MAP2K5: variants seen among roughly 807,000 people sequenced by gnomAD.
The protein encoded by MAP2K5 is mitogen-activated protein kinase kinase 5, also known as dual specificity mitogen-activated protein kinase kinase 5.
In MAP2K5, 49 loss-of-function variants were observed where a neutral mutation model predicts 83.1. That is an observed-to-expected ratio of 0.59 (90% CI 0.47 to 0.75). The LOEUF (loss-of-function observed/expected upper bound fraction) is 0.75. Among genes scored for constraint, MAP2K5 ranks in the 30% least tolerant of loss-of-function variants. MAP2K5 has a pLI of 0.00. For missense variants in MAP2K5, 457 were observed against 557.5 expected (o/e 0.82, Z 1.82); for synonymous variants, 202 against 191.8 (o/e 1.05, Z -0.44).
intron 16 of MAP2K5, among the ~76,000 whole-genome samples, chr15:67,704,716 C>G (rs1406611535): frequency 6.6e-6 from 1 of 152,118 alleles, no homozygotes; most frequent in Non-Finnish European, 1.5e-5. Context: ...CTGAGTCTCC[C>G]AACAGAATCC....
Position 67,668,899 on chromosome 15 carries a change from C to A in MAP2K5, c.847+4254C>A, listed in dbSNP as rs1001271970. Among the ~76,000 whole-genome samples the A allele has an allele frequency of 2.6e-5, 4 of 151,650 alleles. No individual in the cohort carries two copies. The highest frequency in any genetic ancestry group is 9.7e-5 in the African/African-American group (4 of 41,294). On this transcript the variant is annotated intron_variant, in intron 13 of 21. Coordinates refer to ENST00000178640, the MANE Select transcript of MAP2K5 (RefSeq NM_145160.3). This position sits in a 1 kb window ranked among gnomAD's most constrained non-coding sequence, Gnocchi z 4.0. ...CCTGGTTAGTTTCATTTACTTTCTC[C>A]AATAGGAGAACTTTTTAAAAATACG... is the stretch of plus-strand genomic sequence containing the variant.
chr15:67,757,582 G>A lies in MAP2K5; in HGVS notation c.1134+8981G>A, dbSNP rs1047536114. Reference sequence around the variant, plus strand: ...TAAACCTGTGTTAATCCCAGAGCTCGGTACCGGGGATAGAGAATGAATAAG... The same window carrying A: ...TAAACCTGTGTTAATCCCAGAGCTCAGTACCGGGGATAGAGAATGAATAAG... On this transcript the variant is annotated intron_variant, in intron 19 of 21. Transcript: ENST00000178640. This position sits in a 1 kb window ranked among gnomAD's most constrained non-coding sequence, Gnocchi z 4.9. Among the ~76,000 whole-genome samples the A allele has an allele frequency of 2.0e-5, 3 of 152,066 alleles. No homozygotes were observed. Among genetic ancestry groups the A allele is most frequent in the Non-Finnish European group, 2.9e-5 (2 of 68,016 alleles).
chr15:67,654,349 CT>C (rs2087019630), intron 11 of MAP2K5, among the ~76,000 whole-genome samples: 1 of 152,176 alleles, frequency 6.6e-6, no homozygotes. Context: ...AGTATAGTCA[CT>C]GCAGCTCCCT....
chr15:67,725,386 A>G (rs1378130561), intron 16 of MAP2K5, among the ~76,000 whole-genome samples: 1 of 152,230 alleles, frequency 6.6e-6, no homozygotes, highest in Admixed American at 6.5e-5. Context: ...TTTTTGCTGT[A>G]TCTCACTCCG....
intron 3 of MAP2K5, among the ~76,000 whole-genome samples, chr15:67,575,925 T>TCTTTCTTTC (rs1352481846): frequency 2.1e-5 from 3 of 146,080 alleles, no homozygotes; most frequent in African/African-American, 7.7e-5. Flanking sequence ...TCTTTTTTTT[T>TCTTTCTTTC]TTTTTTTTTT....
chr15:67,554,639 A>T (rs1161864004), intron 2 of MAP2K5, among the ~76,000 whole-genome samples: 1 of 152,118 alleles, frequency 6.6e-6, no homozygotes, highest in East Asian at 1.9e-4. Flanking sequence ...CCTTTACTAG[A>T]GCAGGGAACC....
intron 17 of MAP2K5, among the ~76,000 whole-genome samples, chr15:67,739,417 TG>T (rs1425808779): frequency 8.0e-5 from 10 of 125,612 alleles, no homozygotes; most frequent in Non-Finnish European, 1.6e-4. Flanking sequence ...CAAGATTGTG[TG>T]TGACTATATA....
chr15:67,558,786 T>G (rs145593249), intron 2 of MAP2K5, among the ~76,000 whole-genome samples: 11 of 152,366 alleles, frequency 7.2e-5, no homozygotes, highest in Middle Eastern at 3.4e-3. Context: ...TCCCCAGATA[T>G]CAGCAAGGCC....
At chr15:67,707,091 A>G (rs987426420) in intron 16 of MAP2K5, among the ~76,000 whole-genome samples, 1 of 152,038 alleles carries the variant, frequency 6.6e-6, no homozygotes, top group South Asian at 2.1e-4. Context: ...AATTTTTTGT[A>G]TTTTTAGTAG....
intron 8 of MAP2K5, among the ~76,000 whole-genome samples, chr15:67,615,277 T>C (rs565459534): frequency 2.0e-5 from 3 of 152,150 alleles, no homozygotes; most frequent in Non-Finnish European, 4.4e-5. Flanking sequence ...GAATTATAGG[T>C]GTGAGCCACT....
At chr15:67,622,562 T>G (rs2086211591) in intron 8 of MAP2K5, among the ~76,000 whole-genome samples, 1 of 152,026 alleles carries the variant, frequency 6.6e-6, no homozygotes. Context: ...ATCCAGGTGA[T>G]TATTTTTTTC....
chr15:67,614,846 T>G (rs1324996639), intron 8 of MAP2K5, among the ~76,000 whole-genome samples: 1 of 152,194 alleles, frequency 6.6e-6, no homozygotes, highest in South Asian at 2.1e-4. Flanking sequence ...CTTTCTCTTA[T>G]TGAAAATCTT....
At chr15:67,656,730 G>A (rs1328343688) in intron 11 of MAP2K5, among the ~76,000 whole-genome samples, 2 of 151,972 alleles carry the variant, frequency 1.3e-5, no homozygotes, top group Admixed American at 6.6e-5. Flanking sequence ...CACATCACTG[G>A]GACTGTTTTT....
At position 67,698,643 on chromosome 15, in the gene MAP2K5, A is replaced by G. The variant is rs1356183735; in HGVS notation, c.973-4694A>G. ...TATGATTAACTGAAGTTTTAAAATG[A>G]AAAAATCTTACTCAAATACTTGGGA... On this transcript the variant is annotated intron_variant, in intron 15 of 21. Transcript: ENST00000178640. The surrounding 1 kb of genome is among the most constrained non-coding windows in gnomAD (Gnocchi z 4.5). 6.6e-6 allele frequency among the ~76,000 whole-genome samples: 1 copy of G among 152,250 alleles called. No individual in the cohort carries two copies. Among genetic ancestry groups the G allele is most frequent in the Non-Finnish European group, 1.5e-5 (1 of 68,042 alleles).
Position 67,778,707 on chromosome 15 carries a change from CTA to C in MAP2K5, c.1242+5956_1242+5957del, listed in dbSNP as rs901454004. On this transcript the variant is annotated intron_variant, in intron 21 of 21. Coordinates refer to ENST00000178640, the MANE Select transcript of MAP2K5 (RefSeq NM_145160.3). This position sits in a 1 kb window ranked among gnomAD's most constrained non-coding sequence, Gnocchi z 5.0. The stretch of plus-strand genomic sequence containing the variant: ...GGGATTTCTTACCTGTTACTGTTTA[CTA>C]GAAGCACGGGGCTCAGATCAATTCA... Among the ~76,000 whole-genome samples the C allele has an allele frequency of 6.6e-6, 1 of 152,170 alleles. No individual in the cohort carries two copies. The highest frequency in any genetic ancestry group is 2.4e-5 in the African/African-American group (1 of 41,428).
At position 67,805,034 on chromosome 15, in the gene MAP2K5, G is replaced by A. The variant is rs142594536; in HGVS notation, c.1243-1612G>A. On this transcript the variant is annotated intron_variant, in intron 21 of 21. Coordinates refer to ENST00000178640, the MANE Select transcript of MAP2K5 (RefSeq NM_145160.3). ...CTGTGCCCTTAGGGGTCCTGCAGGT[G>A]TGTCAGGAGCCTCCCAGAGTGCTAT... 1.4e-4 allele frequency among the ~76,000 whole-genome samples: 21 copies of A among 152,318 alleles called. 1 individual carries two copies. The East Asian group carries it at 4.1e-3, about 29-fold the overall frequency.
rs1268142903 is a variant in MAP2K5, at chr15:67,698,756, C to T, written c.973-4581C>T. Among the ~76,000 whole-genome samples the T allele has an allele frequency of 1.3e-5, 2 of 152,082 alleles. No individual in the cohort carries two copies. Among genetic ancestry groups the T allele is most frequent in the Non-Finnish European group, 2.9e-5 (2 of 68,028 alleles). The stretch of plus-strand genomic sequence containing the variant: ...CCAGTTCTTGGTAATTGTCTTTACT[C>T]GGAATAAAACACATACACATTGCAT... On this transcript the variant is annotated intron_variant, in intron 15 of 21. Coordinates refer to ENST00000178640, the MANE Select transcript of MAP2K5 (RefSeq NM_145160.3). This position sits in a 1 kb window ranked among gnomAD's most constrained non-coding sequence, Gnocchi z 4.5.
At chr15:67,707,577 C>G (rs938877) in intron 16 of MAP2K5, among the ~76,000 whole-genome samples, 2,611 of 152,282 alleles carry the variant, frequency 0.017, 88 homozygotes, top group African/African-American at 0.06. Context: ...GTGGGGCACA[C>G]AGAGCTGAGG....
chr15:67,597,573 A>G (rs1020433016), intron 7 of MAP2K5, among the ~76,000 whole-genome samples: 32 of 152,350 alleles, frequency 2.1e-4, no homozygotes, highest in African/African-American at 7.7e-4. Context: ...AATATTCCAT[A>G]AGCTTCTAAA....
Sources: allele counts gnomAD v4.1 joint callset (sites outside exome capture counted in the v4.1 genomes callset), GRCh38; gene constraint gnomAD v4.1.1; non-coding constraint Gnocchi (gnomAD v3.1); transcripts MANE v1.5; gene names NCBI Gene and HGNC (gene_info 2026-07-23, HGNC 2026-07-21).